ZDHHC14: variants seen among roughly 807,000 people sequenced by gnomAD.
ZDHHC14 encodes the protein zDHHC palmitoyltransferase 14.
A neutral mutation model predicts 47.7 loss-of-function variants in ZDHHC14; 16 were observed. The ratio of observed to expected loss-of-function variants is 0.34; its 90% confidence interval spans 0.23 to 0.51. The LOEUF (loss-of-function observed/expected upper bound fraction) is 0.51, where lower values mean the gene tolerates loss of function less well. Among genes scored for constraint, ZDHHC14 ranks in the 20% least tolerant of loss-of-function variants. The pLI is 0.97. For missense variants in ZDHHC14, 515 were observed against 662.5 expected (o/e 0.78, Z 2.44); for synonymous variants, 293 against 278.9 (o/e 1.05, Z -0.50).
intron 1 of ZDHHC14, among the ~76,000 whole-genome samples, chr6:157,435,233 CTG>C (rs1311499488): frequency 6.6e-6 from 1 of 152,244 alleles, no homozygotes; most frequent in African/African-American, 2.4e-5. Context: ...ATTTAACACT[CTG>C]TTTGCTGCCC....
chr6:157,659,173 G>A (rs1554279302), intron 8 of ZDHHC14, among the ~76,000 whole-genome samples: 1 of 152,182 alleles, frequency 6.6e-6, no homozygotes, highest in Non-Finnish European at 1.5e-5. Flanking sequence ...TTGAAAATGA[G>A]AATAATTTGT....
At chr6:157,384,134 T>C (rs1777268036) in intron 1 of ZDHHC14, among the ~76,000 whole-genome samples, 1 of 152,200 alleles carries the variant, frequency 6.6e-6, no homozygotes, top group Admixed American at 6.5e-5. Flanking sequence ...TTTTGCTCTT[T>C]TTAGCGATTT....
chr6:157,504,756 T>C (rs1416388809), intron 1 of ZDHHC14, among the ~76,000 whole-genome samples: 2 of 151,908 alleles, frequency 1.3e-5, no homozygotes, highest in African/African-American at 4.8e-5. Context: ...AAAAAATTGC[T>C]AAAGACTACA....
intron 1 of ZDHHC14, among the ~76,000 whole-genome samples, chr6:157,420,734 G>T (rs1003778481): frequency 2.0e-5 from 3 of 152,244 alleles, no homozygotes; most frequent in Non-Finnish European, 4.4e-5. Context: ...TTTCAGCCTA[G>T]TAGGAGCGAA....
At chr6:157,497,908 C>T (rs1780106221) in intron 1 of ZDHHC14, among the ~76,000 whole-genome samples, 1 of 152,176 alleles carries the variant, frequency 6.6e-6, no homozygotes, top group South Asian at 2.1e-4. Flanking sequence ...TACTTTCTGT[C>T]TTCTCATAGC....
chr6:157,485,648 TA>T (rs1246854564), intron 1 of ZDHHC14, among the ~76,000 whole-genome samples: 6 of 151,680 alleles, frequency 4.0e-5, no homozygotes, highest in African/African-American at 1.5e-4. Context: ...TTATATAATT[TA>T]AAACCTACCC....
intron 2 of ZDHHC14, among the ~76,000 whole-genome samples, chr6:157,559,269 C>A (rs2114837842): frequency 6.6e-6 from 1 of 152,372 alleles, no homozygotes; most frequent in Non-Finnish European, 1.5e-5. Flanking sequence ...GAACCTGCTG[C>A]CCCACAGGCT....
chr6:157,594,772 C>A, intron 3 of ZDHHC14, among the ~76,000 whole-genome samples: 1 of 152,338 alleles, frequency 6.6e-6, no homozygotes, highest in African/African-American at 2.4e-5. Context: ...ATTACCAGTA[C>A]CCTTCCTGGT....
intron 3 of ZDHHC14, among the ~76,000 whole-genome samples, chr6:157,617,538 G>T (rs1785018575): frequency 1.3e-5 from 2 of 152,182 alleles, no homozygotes. Context: ...CAAGATCCCA[G>T]AAACGTATTT....
At chr6:157,601,774 C>T (rs911434571) in intron 3 of ZDHHC14, among the ~76,000 whole-genome samples, 2 of 152,136 alleles carry the variant, frequency 1.3e-5, no homozygotes, top group Non-Finnish European at 2.9e-5. Flanking sequence ...CACATGCTTT[C>T]TGTGTGTATG....
intron 1 of ZDHHC14, among the ~76,000 whole-genome samples, chr6:157,521,665 G>A (rs375412194): frequency 2.6e-5 from 4 of 152,200 alleles, no homozygotes; most frequent in South Asian, 2.1e-4. Flanking sequence ...TAATGCCATC[G>A]CATTGGCGGT....
In ZDHHC14 at chr6:157,556,744, G is replaced by T. The variant is rs545892277; in HGVS notation, c.406+13999G>T. 5.9e-5 allele frequency among the ~76,000 whole-genome samples: 9 copies of T among 152,334 alleles called. No homozygotes were observed. The South Asian group carries it at 1.9e-3, about 32-fold the overall frequency. ...GGGCTGGAACAGGGGACACGAGGCT[G>T]GTGTTGAAGCAAAGGCTGGAGCAGA... On this transcript the variant is annotated intron_variant, in intron 2 of 8. Transcript: ENST00000359775.
chr6:157,607,629 A>AG (rs1784592119), intron 3 of ZDHHC14, among the ~76,000 whole-genome samples: 1 of 152,192 alleles, frequency 6.6e-6, no homozygotes, highest in African/African-American at 2.4e-5. Context: ...AGGTCTGTGC[A>AG]GGTGCCCTCT....
Position 157,602,553 on chromosome 6 carries a change from G to A in ZDHHC14, c.565+9407G>A, listed in dbSNP as rs141154890. Among the ~76,000 whole-genome samples, 273 of 151,796 alleles carry A rather than the reference G, an allele frequency of 1.8e-3. 1 individual carries two copies. Among genetic ancestry groups the A allele is most frequent in the African/African-American group, 6.3e-3 (259 of 41,368 alleles). ...AGCTGTGTGCAGGTTCTGGGAGAGC[G>A]CAGATTCCCCAGTTTGTCCCTATGC... On this transcript the variant is annotated intron_variant, in intron 3 of 8. Coordinates refer to ENST00000359775, the MANE Select transcript of ZDHHC14 (RefSeq NM_024630.3).
At chr6:157,573,873 C>A (rs28488511) in intron 2 of ZDHHC14, among the ~76,000 whole-genome samples, 6,376 of 152,006 alleles carry the variant, frequency 0.042, 158 homozygotes, top group Non-Finnish European at 0.056. Flanking sequence ...TCCCCGTGCC[C>A]ATGGGCCTTG....
chr6:157,640,204 TA>T (rs1253890177), intron 5 of ZDHHC14, among the ~76,000 whole-genome samples: 1 of 152,204 alleles, frequency 6.6e-6, no homozygotes, highest in East Asian at 1.9e-4. Flanking sequence ...AACATCCAAT[TA>T]AAGGGATTAC....
At position 157,406,408 on chromosome 6, in the gene ZDHHC14, A is replaced by G. The variant is rs138976824; in HGVS notation, c.245+24142A>G. ...TGATGTTGATAGATTAGGACATTGA[A>G]TCGTACCTTTGGTTGAATATGATTG... is the stretch of plus-strand genomic sequence containing the variant. On this transcript the variant is annotated intron_variant, in intron 1 of 8. Coordinates refer to ENST00000359775, the MANE Select transcript of ZDHHC14 (RefSeq NM_024630.3). Among the ~76,000 whole-genome samples the G allele has an allele frequency of 7.6e-3, 1,165 of 152,346 alleles. 12 individuals are homozygous for G. Among genetic ancestry groups the G allele is most frequent in the African/African-American group, 0.026 (1,097 of 41,570 alleles).
At chr6:157,601,763 G>A (rs1314330157) in intron 3 of ZDHHC14, among the ~76,000 whole-genome samples, 2 of 151,958 alleles carry the variant, frequency 1.3e-5, no homozygotes, top group Non-Finnish European at 2.9e-5. Context: ...CAGGGCCCAT[G>A]CACATGCTTT....
At chr6:157,551,157 A>C (rs551866264) in intron 2 of ZDHHC14, among the ~76,000 whole-genome samples, 3 of 152,326 alleles carry the variant, frequency 2.0e-5, no homozygotes, top group African/African-American at 7.2e-5. Flanking sequence ...AGCCAAGGGC[A>C]TCAAGAGAGG....
Sources: gnomAD v4.1 joint callset for allele counts (sites outside exome capture counted in the v4.1 genomes callset) on GRCh38, gnomAD v4.1.1 for gene constraint, MANE v1.5 for transcripts, NCBI Gene and HGNC (gene_info 2026-07-23, HGNC 2026-07-21) for gene names.